Variants in PTPRH observed in about 807,000 individuals in gnomAD.
The protein encoded by PTPRH is receptor-type tyrosine-protein phosphatase H.
Under a neutral mutation model 130.2 loss-of-function variants are expected in PTPRH, and 113 were observed. The ratio of observed to expected loss-of-function variants is 0.87; its 90% CI spans 0.75 to 1.01. The LOEUF is 1.01. Among genes scored for constraint, PTPRH ranks in the 50% least tolerant of loss-of-function variants. PTPRH has a pLI of 0.00. For missense variants in PTPRH, 1,430 were observed against 1,425.0 expected (o/e 1.00, Z -0.06); for synonymous variants, 556 against 577.9 (o/e 0.96, Z 0.54).
At chr19:55,205,136 G>A (rs929396851) in intron 4 of PTPRH, among the ~76,000 whole-genome samples, 190 bp downstream of exon 4, 6 of 152,158 alleles carry the variant, frequency 3.9e-5, no homozygotes, top group African/African-American at 9.7e-5. Context: ...ACCGGCCCCA[G>A]CTTAGCAGCT....
intron 10 of PTPRH, among the ~76,000 whole-genome samples, chr19:55,194,870 C>T (rs961174070): frequency 6.6e-6 from 1 of 152,098 alleles, no homozygotes; most frequent in Non-Finnish European, 1.5e-5. Context: ...ACTGACCCAT[C>T]AACTGGATCA....
chr19:55,186,074 G>A (rs2086314634), intron 16 of PTPRH, 90 bp from the exon 17 acceptor site: 1 of 1,599,572 alleles, frequency 6.3e-7, no homozygotes, highest in Non-Finnish European at 8.5e-7. Context: ...CCAGCAGATG[G>A]GCTGGGGGGA....
intron 14 of PTPRH, among the ~76,000 whole-genome samples, chr19:55,187,308 G>A (rs1360120599): frequency 4.5e-5 from 5 of 110,228 alleles, no homozygotes; most frequent in Non-Finnish European, 1.7e-5. Flanking sequence ...TCGCGCCACT[G>A]CACTCCAGCC....
chr19:55,207,346 G>A (rs891997047), intron 1 of PTPRH, 147 bp from the exon 2 acceptor site: 14 of 789,138 alleles, frequency 1.8e-5, no homozygotes, highest in Middle Eastern at 3.6e-4. Flanking sequence ...GGGCTGTCAC[G>A]ACCTCGACCG....
In PTPRH at chr19:55,209,460, G is replaced by C. The variant is rs773746946; in HGVS notation, c.-27C>G. On this transcript the variant is annotated 5_prime_UTR_variant, in exon 1 of 20. Coordinates refer to ENST00000376350, the MANE Select transcript of PTPRH (RefSeq NM_002842.5). This position sits in a 1 kb window ranked among gnomAD's most constrained non-coding sequence, Gnocchi z 4.1. ...CCTCCAGACACTGCCGGGGACCCAGGAGTCCCAGGCCTAGTCCTTCCACCT... is the reference window on the plus strand; with the variant it reads ...CCTCCAGACACTGCCGGGGACCCAGCAGTCCCAGGCCTAGTCCTTCCACCT... The C allele has an allele frequency of 6.0e-6, 9 of 1,506,070 alleles. No homozygotes were observed. In the Middle Eastern group the frequency reaches 1.0e-3, roughly 170 times the overall value. 93.3% of individuals were successfully genotyped at this position (1,506,070 alleles called of 1,614,324 possible).
chr19:55,196,068 A>G (rs1189043451), intron 10 of PTPRH, among the ~76,000 whole-genome samples: 1 of 152,162 alleles, frequency 6.6e-6, no homozygotes, highest in Non-Finnish European at 1.5e-5. Flanking sequence ...TGTGAATATA[A>G]GAAGAGTCAC....
chr19:55,197,419 G>A lies in PTPRH; in HGVS notation c.1691-3C>T, dbSNP rs1321356840. 2 of 1,610,130 alleles carry A rather than the reference G, an allele frequency of 1.2e-6. No homozygotes were observed. The highest frequency in any genetic ancestry group is 1.3e-5 in the African/African-American group (1 of 74,818). On this transcript the variant is annotated splice_region_variant and splice_polypyrimidine_tract_variant and intron_variant, in intron 8 of 19. Transcript: ENST00000376350. Reference sequence around the variant, plus strand: ...GAGATCTGTGACCTCATTGGGAGCTGAGAAGTGAGAACAGAGGCCTAAGGG... The same window carrying A: ...GAGATCTGTGACCTCATTGGGAGCTAAGAAGTGAGAACAGAGGCCTAAGGG...
chr19:55,203,664 G>T, intron 5 of PTPRH, 118 bp downstream of exon 5: 1 of 1,218,154 alleles, frequency 8.2e-7, no homozygotes. Context: ...ATTCTCACCT[G>T]TGGCTTCCAC....
At chr19:55,185,383 C>T in intron 18 of PTPRH, 119 bp downstream of exon 18, 1 of 1,102,942 alleles carries the variant, frequency 9.1e-7, no homozygotes, top group Non-Finnish European at 1.3e-6. Flanking sequence ...TCCACATCCA[C>T]CTCCTCCTTC....
At chr19:55,186,437 C>A (rs2086329211) in intron 15 of PTPRH, 27 bp downstream of exon 15, 4 of 1,613,980 alleles carry the variant, frequency 2.5e-6, no homozygotes, top group Non-Finnish European at 3.4e-6. Context: ...GTGCTGGGCA[C>A]CCTTTCAATC....
chr19:55,181,713 G>A lies in PTPRH; in HGVS notation c.*41C>T. ...ATCTGGGCTCAAGTGGGTGTCCAGA[G>A]CTTGAGGATGCCTGGGCTGCCGACC... On this transcript the variant is annotated 3_prime_UTR_variant, in exon 20 of 20. Transcript: ENST00000376350. The A allele has an allele frequency of 6.2e-7, 1 of 1,612,378 alleles. No individual in the cohort carries two copies. Among genetic ancestry groups the A allele is most frequent in the East Asian group, 2.2e-5 (1 of 44,854 alleles).
intron 3 of PTPRH, among the ~76,000 whole-genome samples, chr19:55,205,870 G>T (rs2087034693): frequency 2.6e-5 from 4 of 152,202 alleles, no homozygotes. Context: ...ATATTTGTGT[G>T]TGTGTGAGTA....
intron 13 of PTPRH, 50 bp downstream of exon 13, chr19:55,188,028 T>C (rs1377155513): frequency 7.8e-7 from 1 of 1,275,066 alleles, no homozygotes; most frequent in South Asian, 1.2e-5. Flanking sequence ...GGGGTGGGGG[T>C]CTGGGCCACC....
At chr19:55,201,184 C>T (rs2086852894) in intron 6 of PTPRH, among the ~76,000 whole-genome samples, 1 of 151,986 alleles carries the variant, frequency 6.6e-6, no homozygotes, top group Non-Finnish European at 1.5e-5. Flanking sequence ...AGTTAGAGAC[C>T]AGCCTGGACC....
At chr19:55,200,584 C>A in intron 6 of PTPRH, 82 bp from the exon 7 acceptor site, 1 of 1,442,514 alleles carries the variant, frequency 6.9e-7, no homozygotes, top group Non-Finnish European at 9.5e-7. Context: ...CTGCCCTCAA[C>A]CATCTTAGCT....
At chr19:55,186,709 C>T (rs1483100542) in intron 14 of PTPRH, among the ~76,000 whole-genome samples, 169 bp from the exon 15 acceptor site, 3 of 152,092 alleles carry the variant, frequency 2.0e-5, no homozygotes, top group Admixed American at 6.6e-5. Flanking sequence ...CTGAGAGGGG[C>T]GGAGGGACCT....
intron 10 of PTPRH, among the ~76,000 whole-genome samples, chr19:55,193,779 G>A (rs552000794): frequency 6.6e-6 from 1 of 152,188 alleles, no homozygotes; most frequent in East Asian, 1.9e-4. Flanking sequence ...TCTTCTCAGA[G>A]GTCCTGCTGG....
intron 6 of PTPRH, 36 bp downstream of exon 6, chr19:55,202,020 A>C: frequency 6.2e-7 from 1 of 1,609,016 alleles, no homozygotes; most frequent in Non-Finnish European, 8.5e-7. Context: ...TCCCTTAAAC[A>C]AATAAGAGAT....
intron 12 of PTPRH, chr19:55,189,720 C>T (rs1263482133): frequency 2.2e-6 from 1 of 455,942 alleles, no homozygotes; most frequent in East Asian, 7.0e-5. Flanking sequence ...GCGGCTCACG[C>T]CTGTGATGCA....
Sources: allele counts gnomAD v4.1 joint callset (sites outside exome capture counted in the v4.1 genomes callset), GRCh38; gene constraint gnomAD v4.1.1; non-coding constraint Gnocchi (gnomAD v3.1); transcripts MANE v1.5; gene names NCBI Gene and HGNC (gene_info 2026-07-23, HGNC 2026-07-21).